PXDNL: variants seen among roughly 807,000 people sequenced by gnomAD.
The protein encoded by PXDNL is probable oxidoreductase PXDNL.
Under a neutral mutation model 150.8 loss-of-function variants are expected in PXDNL, and 145 were observed. The observed-to-expected ratio is 0.96, with a 90% CI of 0.84 to 1.10. The LOEUF (loss-of-function observed/expected upper bound fraction) is 1.10. Ranked by LOEUF, PXDNL falls within the 50% of genes least tolerant of loss-of-function variation. PXDNL has a pLI of 0.00. For missense variants in PXDNL, 2,087 were observed against 1,873.9 expected (o/e 1.11, Z -2.10); for synonymous variants, 757 against 725.7 (o/e 1.04, Z -0.69).
intron 2 of PXDNL, among the ~76,000 whole-genome samples, chr8:51,621,545 G>A (rs909920268): frequency 1.3e-5 from 2 of 151,702 alleles, no homozygotes; most frequent in Non-Finnish European, 2.9e-5. Context: ...TATGGTAGAC[G>A]GGATTCTAAG....
rs78863688 is a variant in PXDNL at position 51,557,638 on chromosome 8, G to A, written c.309-727C>T. ...CTGAAACCTTCTATCAAGTGTCTTC[G>A]GAATGTGCTCTTGCATATTGTCAGT... On this transcript the variant is annotated intron_variant, in intron 3 of 22. Coordinates refer to ENST00000356297, the MANE Select transcript of PXDNL (RefSeq NM_144651.5). Among the ~76,000 whole-genome samples the A allele has an allele frequency of 6.8e-3, 1,030 of 152,122 alleles. 3 individuals are homozygous for A. The highest frequency in any genetic ancestry group is 0.022 in the African/African-American group (902 of 41,524).
intron 1 of PXDNL, among the ~76,000 whole-genome samples, chr8:51,690,638 A>G (rs1018531592): frequency 8.5e-5 from 13 of 152,184 alleles, no homozygotes; most frequent in Admixed American, 7.2e-4. Context: ...ATATGTGTCC[A>G]TGTGTCGTTA....
intron 1 of PXDNL, among the ~76,000 whole-genome samples, chr8:51,780,639 T>TTTTTC (rs1251513827): frequency 3.5e-5 from 5 of 143,932 alleles, no homozygotes; most frequent in East Asian, 2.1e-4. Context: ...TTTCTTTTTC[T>TTTTTC]TTTTCTTTTC....
chr8:51,526,719 G>A (rs1811778125), intron 4 of PXDNL, among the ~76,000 whole-genome samples: 1 of 152,158 alleles, frequency 6.6e-6, no homozygotes, highest in Non-Finnish European at 1.5e-5. Context: ...CATGGAGTGG[G>A]AATTTAAAGA....
At chr8:51,447,280 G>T in intron 11 of PXDNL, 118 bp from the exon 12 acceptor site, 1 of 1,010,630 alleles carries the variant, frequency 9.9e-7, no homozygotes, top group Non-Finnish European at 1.4e-6. Context: ...GTGCTAGGGT[G>T]TACTGTGTGC....
intron 1 of PXDNL, among the ~76,000 whole-genome samples, chr8:51,694,801 A>G (rs1208278451): frequency 6.6e-6 from 1 of 152,244 alleles, no homozygotes; most frequent in Non-Finnish European, 1.5e-5. Flanking sequence ...TAAGGTAGAC[A>G]TTAGGACCAT....
intron 5 of PXDNL, among the ~76,000 whole-genome samples, chr8:51,493,427 G>A (rs576500269): frequency 1.3e-5 from 2 of 152,350 alleles, no homozygotes; most frequent in South Asian, 4.1e-4. Flanking sequence ...AACAAAGCTG[G>A]AAGGAGAATG....
intron 17 of PXDNL, among the ~76,000 whole-genome samples, chr8:51,400,880 T>C (rs1808227459): frequency 6.6e-6 from 1 of 152,154 alleles, no homozygotes; most frequent in Admixed American, 6.5e-5. Context: ...AGTGTAAAAA[T>C]CTAGTTTTCA....
chr8:51,397,026 G>A (rs760910503), intron 17 of PXDNL, among the ~76,000 whole-genome samples: 2 of 152,092 alleles, frequency 1.3e-5, no homozygotes, highest in Admixed American at 6.5e-5. Flanking sequence ...GTCTTCACAC[G>A]TCTGTCATAA....
chr8:51,623,850 CTG>C (rs1375994239), intron 2 of PXDNL, among the ~76,000 whole-genome samples: 1 of 152,140 alleles, frequency 6.6e-6, no homozygotes, highest in Non-Finnish European at 1.5e-5. Context: ...TCCCAGCACT[CTG>C]TGAGGCCAAG....
intron 2 of PXDNL, among the ~76,000 whole-genome samples, chr8:51,613,500 C>G (rs1814066290): frequency 1.4e-5 from 2 of 142,532 alleles, no homozygotes; most frequent in African/African-American, 2.8e-5. Flanking sequence ...GGGGGCAGGG[C>G]GGCAGAGGGG....
Position 51,766,089 on chromosome 8 carries a change from C to A in PXDNL, c.164+43092G>T, listed in dbSNP as rs537851301. ...TGACCTCGTGATCCACCTGCCTTGG[C>A]CTCCCAAAGTGCTGGGATGACAGGC... On this transcript the variant is annotated intron_variant, in intron 1 of 22. Coordinates refer to ENST00000356297, the MANE Select transcript of PXDNL (RefSeq NM_144651.5). 6.6e-5 allele frequency among the ~76,000 whole-genome samples: 10 copies of A among 152,282 alleles called. No individual in the cohort carries two copies. In the East Asian group the frequency reaches 1.3e-3, roughly 21 times the overall value.
intron 2 of PXDNL, among the ~76,000 whole-genome samples, chr8:51,629,574 AGT>A (rs1814445088): frequency 6.6e-6 from 1 of 152,212 alleles, no homozygotes; most frequent in African/African-American, 2.4e-5. Flanking sequence ...CAAGAAGTTC[AGT>A]GAGTTCCAAG....
rs773851917 is a variant in PXDNL at position 51,408,250 on chromosome 8, C to T, written c.3374G>A (p.Arg1125Lys). 2.6e-5 allele frequency: 42 copies of T among 1,613,866 alleles called. No homozygotes were observed. Among genetic ancestry groups the T allele is most frequent in the Non-Finnish European group, 3.3e-5 (39 of 1,179,908 alleles). Residue 1125 changes from arginine to lysine, a missense_variant, in exon 17 of 23, where the codon AGG becomes AAG. Transcript: ENST00000356297. ...CGCAGAATAAGCCGCGGAGAAGAGC[C>T]TCTGGGTCAGCTCAGGACTGAGAAG... ...SYLLSPELTQ[R>K]LFSAAYSAAV...
rs554859026 is a variant in PXDNL, at chr8:51,731,354, A to G, written c.165-76594T>C. On this transcript the variant is annotated intron_variant, in intron 1 of 22. Transcript: ENST00000356297. The stretch of plus-strand genomic sequence containing the variant: ...CTGCAAAATGATCTCCATTGACTCC[A>G]TGTCTCACATCCAGGTCACACTGAT... 5.3e-5 allele frequency among the ~76,000 whole-genome samples: 8 copies of G among 152,358 alleles called. No homozygotes were observed. In the South Asian group the frequency reaches 1.7e-3, roughly 32 times the overall value.
chr8:51,375,647 A>T (rs2130793564), intron 17 of PXDNL, among the ~76,000 whole-genome samples: 1 of 152,374 alleles, frequency 6.6e-6, no homozygotes, highest in African/African-American at 2.4e-5. Flanking sequence ...TAAACAGTCT[A>T]TTATTGGAAA....
Position 51,453,736 on chromosome 8 carries a change from G to A in PXDNL, c.1032C>T (p.Gly344=). ...CCATACATTCCAAAGTTGTGCTGGT[G>A]CCAATTAAAACCTCTGTGTCCTGAG... The part of the protein sequence containing the change: ...IQPQDTEVLI[G]TSTTLECMAT... Residue 344 remains glycine, a synonymous_variant, in exon 10 of 23, where the codon GGC becomes GGT. Coordinates refer to ENST00000356297, the MANE Select transcript of PXDNL (RefSeq NM_144651.5). 2 of 1,614,024 alleles carry A rather than the reference G, an allele frequency of 1.2e-6. No homozygotes were observed. Among genetic ancestry groups the A allele is most frequent in the South Asian group, 2.2e-5 (2 of 91,086 alleles).
chr8:51,388,164 C>T (rs1290647575), intron 17 of PXDNL, among the ~76,000 whole-genome samples: 2 of 152,038 alleles, frequency 1.3e-5, no homozygotes, highest in Non-Finnish European at 2.9e-5. Context: ...AGTAATTTTT[C>T]AATGATTTCA....
chr8:51,716,456 G>A (rs1816618038), intron 1 of PXDNL, among the ~76,000 whole-genome samples: 1 of 152,210 alleles, frequency 6.6e-6, no homozygotes, highest in African/African-American at 2.4e-5. Context: ...GTGAGGTGCA[G>A]TTAACTAATT....
Sources: gnomAD v4.1 joint callset for allele counts (sites outside exome capture counted in the v4.1 genomes callset) on GRCh38, gnomAD v4.1.1 for gene constraint, MANE v1.5 for transcripts, NCBI Gene and HGNC (gene_info 2026-07-23, HGNC 2026-07-21) for gene names.